EPB41L1: variants seen among roughly 807,000 people sequenced by gnomAD.
EPB41L1 encodes band 4.1-like protein 1.
A neutral mutation model predicts 97.8 loss-of-function variants in EPB41L1; 29 were observed. That is an observed-to-expected ratio of 0.30 (90% CI 0.22 to 0.40). The LOEUF is 0.40. Among genes scored for constraint, EPB41L1 ranks in the 10% least tolerant of loss-of-function variants. EPB41L1 has a pLI of 1.00. For missense variants in EPB41L1, 812 were observed against 1,162.3 expected, an observed-to-expected ratio of 0.70 and a Z score of 4.38; for synonymous variants, 383 against 459.2, an observed-to-expected ratio of 0.83 and a Z score of 2.12.
At position 36,209,380 on chromosome 20, in the gene EPB41L1, G is replaced by T; in HGVS notation, c.1669-108G>T. 7.8e-7 allele frequency: 1 copy of T among 1,276,020 alleles called. No homozygotes were observed. Among genetic ancestry groups the T allele is most frequent in the South Asian group, 1.5e-5 (1 of 66,538 alleles). The allele number at this position is 1,276,020 out of a possible 1,614,324, so 79.0% of individuals were successfully genotyped here. Reference sequence around the variant, plus strand: ...TTTCCTGGCCTGCTCTTCCATTCAGGATGTCGACACAGCCCCGAGATTTCT... The same window carrying T: ...TTTCCTGGCCTGCTCTTCCATTCAGTATGTCGACACAGCCCCGAGATTTCT... On this transcript the variant is annotated intron_variant, in intron 14 of 21. Transcript: ENST00000338074. The surrounding 1 kb of genome is among the most constrained non-coding windows in gnomAD (Gnocchi z 4.2).
chr20:36,206,234 G>A lies in EPB41L1; in HGVS notation c.1669-3254G>A. On this transcript the variant is annotated intron_variant, in intron 14 of 21. Coordinates refer to ENST00000338074, the MANE Select transcript of EPB41L1 (RefSeq NM_012156.2). The surrounding 1 kb of genome is among the most constrained non-coding windows in gnomAD (Gnocchi z 5.5). Reference sequence around the variant, plus strand: ...GCAGACACCAGAGAGGCAACCATCAGGAACCGCTGCATGTCAGATGGTCAG... The same window carrying A: ...GCAGACACCAGAGAGGCAACCATCAAGAACCGCTGCATGTCAGATGGTCAG... The A allele has an allele frequency of 1.6e-6, 2 of 1,289,926 alleles. No individual in the cohort carries two copies. The highest frequency in any genetic ancestry group is 2.0e-6 in the Non-Finnish European group (2 of 988,908). The allele number at this position is 1,289,926 out of a possible 1,614,324, so 79.9% of individuals were successfully genotyped here. A position where few individuals can be genotyped will look rare whatever the true frequency, so the allele number is the denominator to read the frequency against.
intron 21 of EPB41L1, among the ~76,000 whole-genome samples, chr20:36,224,171 C>T (rs1437923369): frequency 1.3e-5 from 2 of 152,058 alleles, no homozygotes; most frequent in East Asian, 1.9e-4. Context: ...AGTCACTAGC[C>T]GCATGTGGCT....
chr20:36,155,750 G>A (rs1234856538), intron 1 of EPB41L1: 3 of 423,776 alleles, frequency 7.1e-6, no homozygotes, highest in African/African-American at 6.1e-5. Flanking sequence ...GAGCTCTGAG[G>A]ATGCATTGGT....
chr20:36,108,660 C>T (rs1205975721), intron 1 of EPB41L1, among the ~76,000 whole-genome samples: 5 of 151,984 alleles, frequency 3.3e-5, no homozygotes, highest in Admixed American at 1.3e-4. Context: ...GGTGAGAGAA[C>T]GAGACTCTGA....
chr20:36,145,257 G>C (rs959465076), intron 2 of EPB41L1, among the ~76,000 whole-genome samples: 4 of 152,024 alleles, frequency 2.6e-5, no homozygotes, highest in African/African-American at 9.7e-5. Context: ...CGGTTGTGGT[G>C]GTGGGTGCCT....
intron 2 of EPB41L1, among the ~76,000 whole-genome samples, chr20:36,136,002 C>T (rs970272828): frequency 6.6e-6 from 1 of 152,136 alleles, no homozygotes; most frequent in African/African-American, 2.4e-5. Context: ...GTGAGTGTTT[C>T]GTCTTTGGAT....
intron 1 of EPB41L1, chr20:36,155,722 G>A (rs754185211): frequency 8.8e-5 from 39 of 441,048 alleles, no homozygotes; most frequent in Non-Finnish European, 1.6e-4. Context: ...GCCAGCCATC[G>A]TCGTTGCTTT....
intron 1 of EPB41L1, among the ~76,000 whole-genome samples, chr20:36,094,887 C>T (rs1021418489): frequency 2.6e-5 from 4 of 151,982 alleles, no homozygotes; most frequent in Non-Finnish European, 4.4e-5. Flanking sequence ...CTGCAGCCTC[C>T]GCCTCCTGGG....
intron 2 of EPB41L1, among the ~76,000 whole-genome samples, chr20:36,116,571 A>G (rs2058590830): frequency 6.6e-6 from 1 of 152,084 alleles, no homozygotes; most frequent in South Asian, 2.1e-4. Context: ...CTGGTGGTGA[A>G]TGGCAGGAAA....
chr20:36,173,934 G>T lies in EPB41L1; in HGVS notation c.157G>T (p.Asp53Tyr). ...CAATGAGAAGCATCCATCCCAGCAG[G>T]ACACGCGGCCTGCTGAACAGGTGTG... Reference protein sequence around the residue: ...NSNEKHPSQQDTRPAEQSLDM... With the variant: ...NSNEKHPSQQYTRPAEQSLDM... The change falls in exon 2 of 22, where the codon GAC (aspartate) becomes TAC (tyrosine). Residue 53 changes from aspartate to tyrosine, a missense_variant. Transcript: ENST00000338074. 1 of 1,613,602 alleles carries T rather than the reference G, an allele frequency of 6.2e-7. No individual in the cohort carries two copies. Among genetic ancestry groups the T allele is most frequent in the Non-Finnish European group, 8.5e-7 (1 of 1,179,766 alleles).
intron 2 of EPB41L1, among the ~76,000 whole-genome samples, chr20:36,131,658 A>T (rs929484314): frequency 6.6e-6 from 1 of 152,140 alleles, no homozygotes; most frequent in Non-Finnish European, 1.5e-5. Context: ...GCATGAAAGC[A>T]TGGAAGACAC....
chr20:36,152,318 G>C (rs1390188371), upstream of EPB41L1: 1 of 152,364 alleles, frequency 6.6e-6, no homozygotes, highest in Non-Finnish European at 1.5e-5. Context: ...AATGCAGAAC[G>C]ATGTCTGGGA....
chr20:36,207,073 G>T lies in EPB41L1; in HGVS notation c.1669-2415G>T, dbSNP rs537141941. The T allele has an allele frequency of 2.6e-5, 34 of 1,289,372 alleles. No individual in the cohort carries two copies. The highest frequency in any genetic ancestry group is 2.1e-4 in the Middle Eastern group (1 of 4,718). 79.9% of individuals were successfully genotyped at this position (1,289,372 alleles called of 1,614,324 possible). On this transcript the variant is annotated intron_variant, in intron 14 of 21. Transcript: ENST00000338074. The surrounding 1 kb of genome is among the most constrained non-coding windows in gnomAD (Gnocchi z 4.9). ...GGCTTCAGCATTTCTTCACATGGAG[G>T]TGATCATTCCCCTGCCAGCCTCCCC... is the stretch of plus-strand genomic sequence containing the variant.
chr20:36,166,193 C>T (rs1230959882), intron 1 of EPB41L1, among the ~76,000 whole-genome samples: 5 of 152,214 alleles, frequency 3.3e-5, no homozygotes, highest in African/African-American at 1.2e-4. Flanking sequence ...TGTGTTCAAC[C>T]TTTTATCCAT....
At chr20:36,203,421 T>C (rs549743565) in intron 14 of EPB41L1, among the ~76,000 whole-genome samples, 1 of 152,382 alleles carries the variant, frequency 6.6e-6, no homozygotes, top group South Asian at 2.1e-4. Context: ...TAACAATCAC[T>C]ATACGTTTCC....
rs950729939 is a variant in EPB41L1 at position 36,100,088 on chromosome 20, G to C, written c.-65+8476G>C. On this transcript the variant is annotated intron_variant, in intron 1 of 19. Transcript: ENST00000202028. ...TGTAACCCAAGGCTTCAGTGTCCCT[G>C]TTGACAGCCAGGGTGGCATTTCTCA... Among the ~76,000 whole-genome samples, 5 of 152,202 alleles carry C rather than the reference G, an allele frequency of 3.3e-5. No homozygotes were observed. The East Asian group carries it at 9.6e-4, about 29-fold the overall frequency.
At chr20:36,188,571 C>T in intron 9 of EPB41L1, 72 bp downstream of exon 9, 2 of 1,037,752 alleles carry the variant, frequency 1.9e-6, no homozygotes, top group Non-Finnish European at 2.6e-6. Context: ...GCAGCTGGGC[C>T]TGGACTGCCA....
At chr20:36,133,243 C>T (rs941941484) in intron 2 of EPB41L1, among the ~76,000 whole-genome samples, 1 of 152,382 alleles carries the variant, frequency 6.6e-6, no homozygotes, top group Non-Finnish European at 1.5e-5. Flanking sequence ...TGAGATCCAA[C>T]TACCCTTTGG....
At chr20:36,202,984 T>C (rs1263422123) in intron 14 of EPB41L1, among the ~76,000 whole-genome samples, 1 of 152,164 alleles carries the variant, frequency 6.6e-6, no homozygotes. Context: ...TGTTGCCAGC[T>C]TCCTTTGCTG....
Sources: gnomAD v4.1 joint callset for allele counts (sites outside exome capture counted in the v4.1 genomes callset) on GRCh38, gnomAD v4.1.1 for gene constraint, Gnocchi (gnomAD v3.1) non-coding constraint, MANE v1.5 for transcripts, NCBI Gene and HGNC (gene_info 2026-07-23, HGNC 2026-07-21) for gene names.